The following CHRM3 variants were observed in gnomAD, a reference collection of about 807,000 sequenced individuals.
CHRM3 encodes muscarinic acetylcholine receptor M3.
Under a neutral mutation model 41.8 loss-of-function variants are expected in CHRM3, and 11 were observed. The ratio of observed to expected loss-of-function variants is 0.26; its 90% CI spans 0.17 to 0.44. The LOEUF (loss-of-function observed/expected upper bound fraction) is 0.44. Among genes scored for constraint, CHRM3 ranks in the 20% least tolerant of loss-of-function variants. The probability of loss-of-function intolerance (pLI) is 1.00; values close to 1 mark genes in which losing one functional copy is unlikely to be tolerated. For missense variants in CHRM3, 571 were observed against 745.4 expected (o/e 0.77, Z 2.72); for synonymous variants, 297 against 301.4 (o/e 0.99, Z 0.15).
rs746150222 is a variant in CHRM3 at position 239,908,416 on chromosome 1, C to G, written c.965C>G (p.Pro322Arg). Residue 322 changes from proline to arginine, a missense_variant, in exon 7 of 7, where the codon CCC (proline) becomes CGC (arginine). Pro to Arg is a moderately radical substitution (Grantham distance 103, BLOSUM62 -2). Coordinates refer to ENST00000676153, the MANE Select transcript of CHRM3 (RefSeq NM_001375978.1). This position sits in a 1 kb window ranked among gnomAD's most constrained non-coding sequence, Gnocchi z 7.2. ...HFWFTTKSWK[P>R]SSEQMDQDHS... The stretch of plus-strand genomic sequence containing the variant: ...TGGTTCACAACCAAGAGCTGGAAAC[C>G]CAGCTCCGAGCAGATGGACCAAGAC... The G allele has an allele frequency of 1.9e-6, 3 of 1,613,906 alleles. No individual in the cohort carries two copies. Among genetic ancestry groups the G allele is most frequent in the Admixed American group, 1.7e-5 (1 of 59,994 alleles).
chr1:239,584,315 G>A (rs1663198952), intron 3 of CHRM3, among the ~76,000 whole-genome samples: 2 of 151,814 alleles, frequency 1.3e-5, no homozygotes, highest in African/African-American at 4.8e-5. Flanking sequence ...TGCTGGCCAG[G>A]CTGGTCTCGA....
intron 1 of CHRM3, among the ~76,000 whole-genome samples, chr1:239,465,653 C>T (rs1665669397): frequency 6.6e-6 from 1 of 152,128 alleles, no homozygotes; most frequent in African/African-American, 2.4e-5. Context: ...ACTTTCTCCA[C>T]TTTCGTATCT....
At chr1:239,594,513 T>C (rs1373742330) in intron 3 of CHRM3, among the ~76,000 whole-genome samples, 2 of 152,200 alleles carry the variant, frequency 1.3e-5, no homozygotes, top group African/African-American at 4.8e-5. Context: ...CAGAATCAAG[T>C]TGTCATTGGT....
intron 4 of CHRM3, among the ~76,000 whole-genome samples, chr1:239,664,749 T>C (rs1673594241): frequency 4.6e-5 from 7 of 152,176 alleles, no homozygotes; most frequent in Admixed American, 4.6e-4. Context: ...CTCTTCCATG[T>C]TTCAATGTTG....
At chr1:239,746,460 A>G (rs567567462) in intron 5 of CHRM3, among the ~76,000 whole-genome samples, 4 of 152,338 alleles carry the variant, frequency 2.6e-5, no homozygotes, top group South Asian at 2.1e-4. Context: ...TTTCCATTTT[A>G]CCTCTGCTTA....
In CHRM3 at chr1:239,582,735, C is replaced by G. The variant is rs535202780; in HGVS notation, c.-313+36986C>G. Among the ~76,000 whole-genome samples, 4 of 152,144 alleles carry G rather than the reference C, an allele frequency of 2.6e-5. No homozygotes were observed. In the South Asian group the frequency reaches 8.3e-4, roughly 32 times the overall value. The stretch of plus-strand genomic sequence containing the variant: ...CTGGGTTACTAAAACAGCGTAATAA[C>G]TGGCCACTTAACTATGTCACTCCCC... On this transcript the variant is annotated intron_variant, in intron 3 of 6. Transcript: ENST00000676153.
chr1:239,799,513 A>C (rs1009949087), intron 5 of CHRM3, among the ~76,000 whole-genome samples: 2 of 152,104 alleles, frequency 1.3e-5, no homozygotes, highest in Non-Finnish European at 2.9e-5. Context: ...CTCCCAGGGA[A>C]CCTACTGGTT....
At chr1:239,761,772 C>T (rs768466423) in intron 5 of CHRM3, among the ~76,000 whole-genome samples, 91 of 152,168 alleles carry the variant, frequency 6.0e-4, no homozygotes, top group Non-Finnish European at 2.6e-4. Context: ...TGTCCCTGGA[C>T]GCAGGTGGAT....
chr1:239,877,181 A>G (rs1209838545), intron 6 of CHRM3, among the ~76,000 whole-genome samples: 1 of 152,226 alleles, frequency 6.6e-6, no homozygotes, highest in Non-Finnish European at 1.5e-5. Flanking sequence ...ATTCTAGTGA[A>G]TCATCCCTTT....
chr1:239,426,460 T>A (rs1572256666), intron 1 of CHRM3, among the ~76,000 whole-genome samples: 1 of 118,994 alleles, frequency 8.4e-6, no homozygotes. Flanking sequence ...TGCTTCGAAC[T>A]CACCCCGCAA....
intron 5 of CHRM3, among the ~76,000 whole-genome samples, chr1:239,733,199 C>T (rs543337503): frequency 6.6e-6 from 1 of 152,070 alleles, no homozygotes; most frequent in Non-Finnish European, 1.5e-5. Context: ...AGTTATTAAC[C>T]TCTGTATGCC....
intron 6 of CHRM3, among the ~76,000 whole-genome samples, chr1:239,888,560 T>G (rs1039529798): frequency 7.3e-6 from 1 of 136,662 alleles, no homozygotes. Flanking sequence ...ATCGCACTAC[T>G]GCACTCCAAC....
rs1671553588 is a variant in CHRM3 at position 239,816,040 on chromosome 1, G to A, written c.-146-11212G>A. Among the ~76,000 whole-genome samples, 4 of 151,848 alleles carry A rather than the reference G, an allele frequency of 2.6e-5. No individual in the cohort carries two copies. In the South Asian group the frequency reaches 8.3e-4, roughly 32 times the overall value. On this transcript the variant is annotated intron_variant, in intron 5 of 6. Transcript: ENST00000676153. ...TTGCTAAAACTTTCTCATTCTGGGGGGGAAAAAAGAACAGACTTCCATGCC... is the reference window on the plus strand; with the variant it reads ...TTGCTAAAACTTTCTCATTCTGGGGAGGAAAAAAGAACAGACTTCCATGCC...
intron 2 of CHRM3, among the ~76,000 whole-genome samples, chr1:239,539,112 A>G (rs1272920257): frequency 6.6e-6 from 1 of 152,210 alleles, no homozygotes; most frequent in Non-Finnish European, 1.5e-5. Context: ...AACTCTGGAC[A>G]TAACTGCTGT....
chr1:239,710,930 G>A (rs937235665), intron 5 of CHRM3, among the ~76,000 whole-genome samples: 32 of 150,976 alleles, frequency 2.1e-4, no homozygotes, highest in African/African-American at 5.1e-4. Flanking sequence ...TCCCAGCTTC[G>A]TTTGGCTTCT....
At chr1:239,742,592 G>A (rs1422778952) in intron 5 of CHRM3, among the ~76,000 whole-genome samples, 1 of 152,146 alleles carries the variant, frequency 6.6e-6, no homozygotes, top group East Asian at 1.9e-4. Flanking sequence ...CCTACTGTAG[G>A]TCAAGGCAAG....
At chr1:239,581,757 G>A (rs1175284217) in intron 3 of CHRM3, among the ~76,000 whole-genome samples, 2 of 152,132 alleles carry the variant, frequency 1.3e-5, no homozygotes, top group Non-Finnish European at 2.9e-5. Flanking sequence ...AGAAGATGAA[G>A]TTACAGTATC....
chr1:239,556,284 G>A (rs1660348956), intron 3 of CHRM3, among the ~76,000 whole-genome samples: 1 of 152,010 alleles, frequency 6.6e-6, no homozygotes, highest in Admixed American at 6.6e-5. Flanking sequence ...ATACACACGT[G>A]AGCCACAGAA....
At chr1:239,715,489 A>G (rs1253103506) in intron 5 of CHRM3, among the ~76,000 whole-genome samples, 1 of 152,144 alleles carries the variant, frequency 6.6e-6, no homozygotes, top group African/African-American at 2.4e-5. Context: ...CTATCATGGA[A>G]GAATGCAGAA....
Sources: allele counts gnomAD v4.1 joint callset (sites outside exome capture counted in the v4.1 genomes callset), GRCh38; gene constraint gnomAD v4.1.1; non-coding constraint Gnocchi (gnomAD v3.1); transcripts MANE v1.5; gene names NCBI Gene and HGNC (gene_info 2026-07-23, HGNC 2026-07-21).